Variants in DACH2 observed in about 807,000 individuals in gnomAD.
DACH2 encodes dachshund homolog 2.
A neutral mutation model predicts 35.8 loss-of-function variants in DACH2; 17 were observed. The ratio of observed to expected loss-of-function variants is 0.48; its 90% CI spans 0.33 to 0.71. DACH2 has a LOEUF of 0.71. Among genes scored for constraint, DACH2 ranks in the 30% least tolerant of loss-of-function variants. DACH2 has a pLI of 0.02. For synonymous variants in DACH2, 195 were observed against 177.3 expected, an observed-to-expected ratio of 1.10 and a Z score of -0.79; for missense variants, 469 against 472.7, an observed-to-expected ratio of 0.99 and a Z score of 0.07.
At chrX:86,231,437 G>A (rs1217620221) in intron 1 of DACH2, among the ~76,000 whole-genome samples, 9 of 110,210 alleles carry the variant, frequency 8.2e-5, no homozygotes, top group Non-Finnish European at 1.7e-4. Flanking sequence ...CTCTCTTTGG[G>A]CAGGTCTTGC....
intron 3 of DACH2, among the ~76,000 whole-genome samples, chrX:86,609,289 AT>A (rs1203665379): frequency 8.9e-6 from 1 of 111,772 alleles, no homozygotes; most frequent in Admixed American, 9.5e-5. Context: ...TGCCAGTTGC[AT>A]TTTTCCACTC....
At chrX:86,458,304 A>C (rs1213749629) in intron 2 of DACH2, among the ~76,000 whole-genome samples, 4 of 112,154 alleles carry the variant, frequency 3.6e-5, no homozygotes, top group Non-Finnish European at 7.5e-5. Flanking sequence ...TCAATTTGAC[A>C]TTCATGATAG....
intron 3 of DACH2, among the ~76,000 whole-genome samples, chrX:86,639,339 G>A: frequency 9.0e-6 from 1 of 111,682 alleles, no homozygotes; most frequent in Middle Eastern, 4.7e-3. Flanking sequence ...CAACACTCAG[G>A]TCAGGATATG....
At chrX:86,165,278 T>TTAGATATC (rs1174504369) in intron 1 of DACH2, among the ~76,000 whole-genome samples, 1 of 111,828 alleles carries the variant, frequency 8.9e-6, no homozygotes, top group Admixed American at 9.5e-5. Flanking sequence ...TAAACAGTGC[T>TTAGATATC]GTAATGAACA....
At chrX:86,551,158 A>G (rs1365270817) in intron 3 of DACH2, among the ~76,000 whole-genome samples, 2 of 111,763 alleles carry the variant, frequency 1.8e-5, no homozygotes, top group Admixed American at 9.5e-5. Context: ...TTAACTTCAT[A>G]GGAATTGCTT....
intron 1 of DACH2, among the ~76,000 whole-genome samples, chrX:86,166,635 G>A (rs1435681469): frequency 9.0e-6 from 1 of 110,859 alleles, no homozygotes; most frequent in Non-Finnish European, 1.9e-5. Context: ...CATCATTGTC[G>A]TGTTCCAGAT....
At chrX:86,336,953 G>A (rs981487742) in intron 1 of DACH2, among the ~76,000 whole-genome samples, 2 of 107,693 alleles carry the variant, frequency 1.9e-5, no homozygotes, top group Non-Finnish European at 3.8e-5. Flanking sequence ...TAGCTGAATC[G>A]ATCAAGCAGA....
chrX:86,264,962 AG>A (rs1311944839), intron 1 of DACH2, among the ~76,000 whole-genome samples: 1 of 111,338 alleles, frequency 9.0e-6, no homozygotes, highest in African/African-American at 3.3e-5. Flanking sequence ...ACCTAGGGGT[AG>A]GAGAACCAGA....
At position 86,814,672 on chromosome X, in the gene DACH2, A is replaced by G; in HGVS notation, c.1538-16A>G. 1 of 1,208,904 alleles carries G rather than the reference A, an allele frequency of 8.3e-7. No individual in the cohort carries two copies. Among genetic ancestry groups the G allele is most frequent in the Non-Finnish European group, 1.1e-6 (1 of 893,856 alleles). On this transcript the variant is annotated splice_polypyrimidine_tract_variant and intron_variant, in intron 9 of 11. Transcript: ENST00000373125. Reference sequence around the variant, plus strand: ...TTCATTGCTCAAGTCTTTGCAAACTACCTTTTACATTTCAGCTACTATGCA... The same window carrying G: ...TTCATTGCTCAAGTCTTTGCAAACTGCCTTTTACATTTCAGCTACTATGCA...
intron 5 of DACH2, among the ~76,000 whole-genome samples, chrX:86,700,581 A>C (rs1272292655): frequency 9.0e-6 from 1 of 110,986 alleles, no homozygotes; most frequent in East Asian, 2.8e-4. Context: ...AAAAATAATA[A>C]GATAACATAA....
intron 2 of DACH2, among the ~76,000 whole-genome samples, chrX:86,506,984 C>A (rs1602591656): frequency 9.0e-6 from 1 of 111,682 alleles, no homozygotes; most frequent in Middle Eastern, 4.6e-3. Context: ...TGAATATCTA[C>A]GATTGTTCAA....
chrX:86,225,133 A>T (rs1403741806), intron 1 of DACH2, among the ~76,000 whole-genome samples: 1 of 110,354 alleles, frequency 9.1e-6, no homozygotes, highest in African/African-American at 3.2e-5. Context: ...TTGTATATCT[A>T]AATTGATGAA....
At chrX:86,327,544 C>T (rs2035138033) in intron 1 of DACH2, among the ~76,000 whole-genome samples, 1 of 111,818 alleles carries the variant, frequency 8.9e-6, no homozygotes, top group South Asian at 3.7e-4. Flanking sequence ...TATTTTCCCC[C>T]TGTCCCTGTT....
At chrX:86,434,759 A>G (rs1227464185) in intron 2 of DACH2, among the ~76,000 whole-genome samples, 1 of 111,603 alleles carries the variant, frequency 9.0e-6, no homozygotes, top group Non-Finnish European at 1.9e-5. Context: ...AGACTGGGTA[A>G]TTTTTAGAGA....
chrX:86,461,785 T>C (rs188192328), intron 2 of DACH2, among the ~76,000 whole-genome samples: 2 of 111,806 alleles, frequency 1.8e-5, no homozygotes, highest in East Asian at 5.6e-4. Context: ...AAAATGTTTA[T>C]CTTATTCTTT....
At chrX:86,219,317 A>G (rs771498726) in intron 1 of DACH2, among the ~76,000 whole-genome samples, 2 of 111,206 alleles carry the variant, frequency 1.8e-5, no homozygotes, top group African/African-American at 6.5e-5. Flanking sequence ...CTTTTTAAAA[A>G]CTTTTATTTT....
rs781353608 is a variant in DACH2 at position 86,564,584 on chromosome X, C to T, written c.640+50193C>T. Among the ~76,000 whole-genome samples the T allele has an allele frequency of 4.5e-5, 5 of 111,372 alleles. 1 individual carries two copies. In the South Asian group the frequency reaches 1.9e-3, roughly 42 times the overall value. On this transcript the variant is annotated intron_variant, in intron 3 of 11. Transcript: ENST00000373125. Reference sequence around the variant, plus strand: ...AATGTAATATAAAACCACAAGCTGCCTCTGGTGCTGGTAATTATTAGCTTT... The same window carrying T: ...AATGTAATATAAAACCACAAGCTGCTTCTGGTGCTGGTAATTATTAGCTTT...
intron 3 of DACH2, among the ~76,000 whole-genome samples, chrX:86,575,065 G>T (rs1313591907): frequency 9.0e-6 from 1 of 110,912 alleles, no homozygotes; most frequent in African/African-American, 3.3e-5. Context: ...ATGGAAGGAA[G>T]AAATTTCTTC....
At chrX:86,358,814 A>G (rs928929895) in intron 1 of DACH2, among the ~76,000 whole-genome samples, 2 of 112,116 alleles carry the variant, frequency 1.8e-5, no homozygotes, top group Middle Eastern at 4.6e-3. Flanking sequence ...AATCTGATGC[A>G]CTTTCCATAC....
Sources: allele counts gnomAD v4.1 joint callset (sites outside exome capture counted in the v4.1 genomes callset), GRCh38; gene constraint gnomAD v4.1.1; transcripts MANE v1.5; gene names NCBI Gene and HGNC (gene_info 2026-07-23, HGNC 2026-07-21).